USP4: variants seen among roughly 807,000 people sequenced by gnomAD.
USP4 encodes the protein ubiquitin carboxyl-terminal hydrolase 4.
A neutral mutation model predicts 118.2 loss-of-function variants in USP4; 72 were observed. The observed-to-expected ratio is 0.61, with a 90% confidence interval of 0.50 to 0.74. The LOEUF (loss-of-function observed/expected upper bound fraction) is 0.74, where lower values mean the gene tolerates loss of function less well. USP4 is among the 30% of genes least tolerant of loss of function. USP4 has a pLI of 0.00. For synonymous variants in USP4, 415 were observed against 440.4 expected, an observed-to-expected ratio of 0.94 and a Z score of 0.72; for missense variants, 1,037 against 1,185.7, an observed-to-expected ratio of 0.87 and a Z score of 1.84.
chr3:49,325,710 G>C lies in USP4; in HGVS notation c.487+9C>G. On this transcript the variant is annotated intron_variant, in intron 4 of 21. Transcript: ENST00000265560. ...ACCACATACCAGGGACCCCAGCCCAGCCTCTCACCAATGGTGTCTGCCTTG... is the reference window on the plus strand; with the variant it reads ...ACCACATACCAGGGACCCCAGCCCACCCTCTCACCAATGGTGTCTGCCTTG... The C allele has an allele frequency of 6.2e-7, 1 of 1,612,930 alleles. No homozygotes were observed. The highest frequency in any genetic ancestry group is 1.1e-5 in the South Asian group (1 of 91,028).
intron 15 of USP4, among the ~76,000 whole-genome samples, chr3:49,290,506 T>C (rs1249753759): frequency 6.6e-6 from 1 of 152,252 alleles, no homozygotes; most frequent in Admixed American, 6.5e-5. Flanking sequence ...GATAATTTTT[T>C]GTTTTTGCTG....
At chr3:49,325,117 TC>T in intron 4 of USP4, 78 bp from the exon 5 acceptor site, 1 of 1,541,190 alleles carries the variant, frequency 6.5e-7, no homozygotes, top group Non-Finnish European at 8.8e-7. Context: ...CTAATGCTCA[TC>T]CTCTTTCTTG....
chr3:49,335,647 T>C, intron 1 of USP4, 51 bp from the exon 2 acceptor site: 1 of 1,605,432 alleles, frequency 6.2e-7, no homozygotes, highest in Non-Finnish European at 8.5e-7. Flanking sequence ...ATTATAAATT[T>C]CTGCAGCTGC....
At chr3:49,317,708 GT>G (rs76005205) in intron 6 of USP4, among the ~76,000 whole-genome samples, 240 of 135,470 alleles carry the variant, frequency 1.8e-3, no homozygotes, top group Middle Eastern at 0.011. Context: ...TGCCCGTGGT[GT>G]TTTTTTTTTT....
At chr3:49,284,222 C>G in intron 18 of USP4, 86 bp from the exon 19 acceptor site, 1 of 1,535,048 alleles carries the variant, frequency 6.5e-7, no homozygotes, top group Non-Finnish European at 8.9e-7. Context: ...GCTGCAGTCC[C>G]CTGATAGCTG....
At chr3:49,303,424 T>A (rs570511294) in intron 9 of USP4, among the ~76,000 whole-genome samples, 1 of 107,466 alleles carries the variant, frequency 9.3e-6, no homozygotes, top group South Asian at 3.0e-4. Context: ...CTGGGCGACA[T>A]AGCAAGGCTG....
In USP4 at chr3:49,296,708, T is replaced by C. The variant is rs1033418625; in HGVS notation, c.1691+1162A>G. 3.9e-5 allele frequency among the ~76,000 whole-genome samples: 6 copies of C among 152,372 alleles called. No homozygotes were observed. In the South Asian group the frequency reaches 8.3e-4, roughly 21 times the overall value. ...TGCTACTATTGCTTTCATAAAACAA[T>C]TGTCAATTCAAATTCATCTATAAAA... On this transcript the variant is annotated intron_variant, in intron 13 of 21. Transcript: ENST00000265560.
At chr3:49,303,972 T>C (rs1166308792) in intron 9 of USP4, among the ~76,000 whole-genome samples, 1 of 152,142 alleles carries the variant, frequency 6.6e-6, no homozygotes, top group Non-Finnish European at 1.5e-5. Flanking sequence ...AGGCTGGTCT[T>C]GAACTCCTGA....
At chr3:49,298,311 C>T (rs1444747752) in intron 12 of USP4, among the ~76,000 whole-genome samples, 1 of 152,202 alleles carries the variant, frequency 6.6e-6, no homozygotes, top group Non-Finnish European at 1.5e-5. Flanking sequence ...GAGCCCTACT[C>T]CTGGTCCTTT....
At chr3:49,284,198 T>C (rs1450086519) in intron 18 of USP4, 62 bp from the exon 19 acceptor site, 16 of 1,599,638 alleles carry the variant, frequency 1.0e-5, no homozygotes, top group Non-Finnish European at 1.4e-5. Flanking sequence ...TGGGCACTCA[T>C]GCATGGAGGC....
In USP4 at chr3:49,311,514, C is replaced by T; in HGVS notation, c.836G>A (p.Gly279Asp). ...CGMHSSGVSR[G>D]GSGFSASYNC... The stretch of plus-strand genomic sequence containing the variant: ...GCAGAGTGAAAGGACCTGCTCTTAC[C>T]CCCTGCTGACACCGGAACTGTGCAT... The change falls in exon 7 of 22, where the codon GGT (glycine) becomes GAT (aspartate). Residue 279 changes from glycine to aspartate, a missense_variant and splice_region_variant. By Grantham distance (94) the Gly-to-Asp change is moderately conservative. Around this residue, in one of 3 missense-constraint regions of USP4, gnomAD observed 487 missense variants for 534.1 expected, o/e 0.91. Coordinates refer to ENST00000265560, the MANE Select transcript of USP4 (RefSeq NM_003363.4). 1 of 1,613,250 alleles carries T rather than the reference C, an allele frequency of 6.2e-7. No homozygotes were observed. The highest frequency in any genetic ancestry group is 1.1e-5 in the South Asian group (1 of 91,012).
At position 49,303,298 on chromosome 3, in the gene USP4, G is replaced by C. The variant is rs1411230371; in HGVS notation, c.1129-756C>G. ...TCTACTAAAAATACAAAAATTAGCTGGGCATGGTGGTGCACACCTGTAATC... is the reference window on the plus strand; with the variant it reads ...TCTACTAAAAATACAAAAATTAGCTCGGCATGGTGGTGCACACCTGTAATC... On this transcript the variant is annotated intron_variant, in intron 9 of 21. Transcript: ENST00000265560. 5.9e-5 allele frequency among the ~76,000 whole-genome samples: 9 copies of C among 151,862 alleles called. 1 individual carries two copies. The highest frequency in any genetic ancestry group is 5.9e-4 in the Admixed American group (9 of 15,204).
At chr3:49,280,673 T>C in intron 20 of USP4, 71 bp downstream of exon 20, 1 of 1,292,750 alleles carries the variant, frequency 7.7e-7, no homozygotes, top group Non-Finnish European at 1.1e-6. Context: ...GGGCAATGCC[T>C]GGTCCACTGG....
intron 6 of USP4, chr3:49,318,544 A>C (rs1373115049): frequency 1.0e-6 from 1 of 985,292 alleles, no homozygotes; most frequent in Non-Finnish European, 1.2e-6. Context: ...AGCAATTCAC[A>C]TGGAAGAGAA....
At position 49,277,154 on chromosome 3, in the gene USP4, T is replaced by A. The variant is rs1432279553; in HGVS notation, c.*1139A>T. On this transcript the variant is annotated 3_prime_UTR_variant, in exon 22 of 22. Transcript: ENST00000265560. ...GCTGGCCCTACCGGCACCCCCCCTT[T>A]GGCGAGTCGGCAGCCACGTCCTTGT... 14 of 1,419,352 alleles carry A rather than the reference T, an allele frequency of 9.9e-6. No individual in the cohort carries two copies. The highest frequency in any genetic ancestry group is 1.2e-5 in the Non-Finnish European group (13 of 1,072,256). 87.9% of individuals were successfully genotyped at this position (1,419,352 alleles called of 1,614,324 possible). A position where few individuals can be genotyped will look rare whatever the true frequency, so the allele number is the denominator to read the frequency against.
chr3:49,334,694 C>T (rs914835270), intron 2 of USP4, among the ~76,000 whole-genome samples: 3 of 152,112 alleles, frequency 2.0e-5, no homozygotes, highest in Non-Finnish European at 4.4e-5. Flanking sequence ...GCCTAGCCAA[C>T]ATGGTAGAGA....
At chr3:49,338,337 T>C (rs1289457192) in intron 1 of USP4, among the ~76,000 whole-genome samples, 1 of 151,990 alleles carries the variant, frequency 6.6e-6, no homozygotes, top group Non-Finnish European at 1.5e-5. Context: ...GAGTATTCTT[T>C]ATGAACCCTA....
chr3:49,315,942 G>A (rs555637652), intron 6 of USP4, among the ~76,000 whole-genome samples: 4 of 152,252 alleles, frequency 2.6e-5, no homozygotes, highest in South Asian at 2.1e-4. Context: ...GGTGGCTCAC[G>A]CCTGTAATCC....
chr3:49,311,762 A>C (rs923760007), intron 6 of USP4, 108 bp from the exon 7 acceptor site: 2 of 1,455,030 alleles, frequency 1.4e-6, no homozygotes. Context: ...TATTAAGTTA[A>C]AATAAATTAC....
Sources: allele counts gnomAD v4.1 joint callset (sites outside exome capture counted in the v4.1 genomes callset), GRCh38; gene constraint gnomAD v4.1.1; regional missense constraint gnomAD v4.1.1; transcripts MANE v1.5; gene names NCBI Gene and HGNC (gene_info 2026-07-23, HGNC 2026-07-21).